Variants in SLC24A2 observed in about 807,000 individuals in gnomAD.
The protein encoded by SLC24A2 is solute carrier family 24 member 2, also known as sodium/potassium/calcium exchanger 2.
Under a neutral mutation model 62.0 loss-of-function variants are expected in SLC24A2, and 36 were observed. The ratio of observed to expected loss-of-function variants is 0.58; its 90% CI spans 0.44 to 0.77. The LOEUF is 0.77. Ranked by LOEUF, SLC24A2 falls within the 30% of genes least tolerant of loss-of-function variation. The pLI is 0.00. For missense variants in SLC24A2, 846 were observed against 817.9 expected (o/e 1.03, Z -0.42); for synonymous variants, 358 against 294.0 (o/e 1.22, Z -2.23).
chr9:19,533,311 C>T (rs1405806928), intron 8 of SLC24A2, among the ~76,000 whole-genome samples: 4 of 152,136 alleles, frequency 2.6e-5, no homozygotes, highest in Non-Finnish European at 5.9e-5. Context: ...TCTCTTTCCT[C>T]TCCGTATGTA....
chr9:19,861,300 A>G, the SLC24A2 span, among the ~76,000 whole-genome samples: 4 of 152,224 alleles, frequency 2.6e-5, no homozygotes, highest in African/African-American at 9.6e-5. Context: ...TCTGTCTGGT[A>G]ATTCAAAGAA....
chr9:19,778,735 G>A (rs1271069519), intron 2 of SLC24A2, among the ~76,000 whole-genome samples: 1 of 152,120 alleles, frequency 6.6e-6, no homozygotes, highest in Non-Finnish European at 1.5e-5. Context: ...TTAAAACCCA[G>A]GCCTCAATGG....
intron 2 of SLC24A2, among the ~76,000 whole-genome samples, chr9:19,648,427 T>G (rs1342263212): frequency 6.6e-6 from 1 of 152,116 alleles, no homozygotes; most frequent in Non-Finnish European, 1.5e-5. Flanking sequence ...GGATGGCACT[T>G]ATGGAGATAC....
chr9:20,248,458 T>A, the SLC24A2 span, among the ~76,000 whole-genome samples: 2 of 152,200 alleles, frequency 1.3e-5, no homozygotes, highest in African/African-American at 2.4e-5. Flanking sequence ...TAGTTTATGG[T>A]GAAGGCCCTT....
the SLC24A2 span, among the ~76,000 whole-genome samples, chr9:20,014,762 T>C: frequency 6.6e-6 from 1 of 152,090 alleles, no homozygotes; most frequent in Non-Finnish European, 1.5e-5. Flanking sequence ...AAAGTTGTTG[T>C]CCAAAGGGTA....
At chr9:20,101,629 G>A in the SLC24A2 span, among the ~76,000 whole-genome samples, 1 of 152,150 alleles carries the variant, frequency 6.6e-6, no homozygotes, top group Non-Finnish European at 1.5e-5. Flanking sequence ...AAACCAAGGA[G>A]GCCAAGGAGT....
chr9:19,833,068 G>A, the SLC24A2 span, among the ~76,000 whole-genome samples: 4 of 152,200 alleles, frequency 2.6e-5, no homozygotes, highest in East Asian at 5.8e-4. Flanking sequence ...TTAGAATGGC[G>A]ATCATTAAAA....
intron 2 of SLC24A2, among the ~76,000 whole-genome samples, chr9:19,691,188 G>A (rs1201819226): frequency 6.6e-6 from 1 of 152,122 alleles, no homozygotes; most frequent in Non-Finnish European, 1.5e-5. Flanking sequence ...GGATGCACCT[G>A]CATGTAAGGG....
the SLC24A2 span, chr9:19,895,895 G>A: frequency 2.5e-5 from 40 of 1,613,218 alleles, no homozygotes; most frequent in African/African-American, 9.4e-5. Flanking sequence ...GTGATGCGCC[G>A]GGCAGGGTCA....
chr9:19,987,243 C>T, the SLC24A2 span, among the ~76,000 whole-genome samples: 1 of 152,044 alleles, frequency 6.6e-6, no homozygotes. Context: ...AGAGGTCTCA[C>T]TGTCGGGTGG....
chr9:19,945,219 A>G, the SLC24A2 span, among the ~76,000 whole-genome samples: 1 of 152,128 alleles, frequency 6.6e-6, no homozygotes, highest in Non-Finnish European at 1.5e-5. Context: ...CCTTTGTTTT[A>G]TAAAGAAAAT....
At chr9:19,992,346 G>C in the SLC24A2 span, among the ~76,000 whole-genome samples, 1 of 152,098 alleles carries the variant, frequency 6.6e-6, no homozygotes, top group South Asian at 2.1e-4. Flanking sequence ...CACCATGTCT[G>C]TTTGCTTGCT....
chr9:19,883,757 G>T, the SLC24A2 span, among the ~76,000 whole-genome samples: 1 of 152,026 alleles, frequency 6.6e-6, no homozygotes, highest in East Asian at 1.9e-4. Flanking sequence ...AGTAGAGTCG[G>T]GGTTTCACTG....
intron 4 of SLC24A2, among the ~76,000 whole-genome samples, chr9:19,611,533 T>C (rs1837170978): frequency 6.6e-6 from 1 of 151,792 alleles, no homozygotes; most frequent in Non-Finnish European, 1.5e-5. Flanking sequence ...CTGGGGCCGC[T>C]GTACGCTCTA....
the SLC24A2 span, among the ~76,000 whole-genome samples, chr9:20,238,879 A>G: frequency 6.6e-6 from 1 of 152,220 alleles, no homozygotes. Context: ...CCTTATAAGA[A>G]GAGGAAAAGA....
intron 8 of SLC24A2, among the ~76,000 whole-genome samples, chr9:19,545,595 C>A (rs572943294): frequency 1.3e-5 from 2 of 151,894 alleles, no homozygotes; most frequent in African/African-American, 4.8e-5. Context: ...CAGTGACCTT[C>A]GGATGGGGTC....
At chr9:19,595,651 A>G (rs549106087) in intron 5 of SLC24A2, among the ~76,000 whole-genome samples, 3 of 152,338 alleles carry the variant, frequency 2.0e-5, no homozygotes, top group South Asian at 4.1e-4. Context: ...TGTCTGGTGT[A>G]GGGAGGAAAG....
At chr9:19,924,610 T>C in the SLC24A2 span, among the ~76,000 whole-genome samples, 1 of 152,150 alleles carries the variant, frequency 6.6e-6, no homozygotes, top group Non-Finnish European at 1.5e-5. Flanking sequence ...AGGGTGTGAC[T>C]CCTCCTTAAG....
the SLC24A2 span, among the ~76,000 whole-genome samples, chr9:20,299,488 C>A: frequency 2.0e-5 from 3 of 152,230 alleles, no homozygotes; most frequent in East Asian, 1.9e-4. Flanking sequence ...GCCCATCGAA[C>A]ATGATCACTC....
Sources: gnomAD v4.1 joint callset for allele counts (sites outside exome capture counted in the v4.1 genomes callset) on GRCh38, gnomAD v4.1.1 for gene constraint, MANE v1.5 for transcripts, NCBI Gene and HGNC (gene_info 2026-07-23, HGNC 2026-07-21) for gene names.